AGAP1: variants seen among roughly 807,000 people sequenced by gnomAD.
AGAP1 encodes the protein arf-GAP with GTPase, ANK repeat and PH domain-containing protein 1.
Under a neutral mutation model 105.3 loss-of-function variants are expected in AGAP1, and 29 were observed. The observed-to-expected ratio is 0.28, with a 90% CI of 0.21 to 0.38. The LOEUF (loss-of-function observed/expected upper bound fraction) is 0.38, where lower values mean the gene tolerates loss of function less well. Among genes scored for constraint, AGAP1 ranks in the 10% least tolerant of loss-of-function variants. The pLI is 1.00. For missense variants in AGAP1, 998 were observed against 1,165.1 expected (o/e 0.86, Z 2.09); for synonymous variants, 509 against 485.9 (o/e 1.05, Z -0.63).
Position 235,908,634 on chromosome 2 carries a change from T to G in AGAP1, c.1156-104T>G. ...TAAAGTACTTTCCACAGTGGAAGGG[T>G]CATAGGGTTTTAACTCATGACGTCT... On this transcript the variant is annotated intron_variant, in intron 10 of 17. Coordinates refer to ENST00000304032, the MANE Select transcript of AGAP1 (RefSeq NM_001037131.3). This position sits in a 1 kb window ranked among gnomAD's most constrained non-coding sequence, Gnocchi z 4.4. The G allele has an allele frequency of 9.5e-7, 1 of 1,048,788 alleles. No individual in the cohort carries two copies. Among genetic ancestry groups the G allele is most frequent in the Admixed American group, 2.6e-5 (1 of 37,810 alleles). The allele number at this position is 1,048,788 out of a possible 1,614,324, so 65.0% of individuals were successfully genotyped here. A position where few individuals can be genotyped will look rare whatever the true frequency, so the allele number is the denominator to read the frequency against.
Position 236,080,296 on chromosome 2 carries a change from G to T in AGAP1, c.2114+31015G>T, listed in dbSNP as rs995761470. Among the ~76,000 whole-genome samples, 1 of 152,216 alleles carries T rather than the reference G, an allele frequency of 6.6e-6. No individual in the cohort carries two copies. The highest frequency in any genetic ancestry group is 2.4e-5 in the African/African-American group (1 of 41,454). The stretch of plus-strand genomic sequence containing the variant: ...AAAGGAGAGAGAAGAATTGTTACCC[G>T]GCAAAGATCAGACTGCCTCCTCCAC... On this transcript the variant is annotated intron_variant, in intron 16 of 17. Coordinates refer to ENST00000304032, the MANE Select transcript of AGAP1 (RefSeq NM_001037131.3). This position sits in a 1 kb window ranked among gnomAD's most constrained non-coding sequence, Gnocchi z 4.2.
chr2:235,637,679 A>G (rs1319504247), intron 1 of AGAP1, among the ~76,000 whole-genome samples: 1 of 152,142 alleles, frequency 6.6e-6, no homozygotes, highest in African/African-American at 2.4e-5. Flanking sequence ...AGTATTGTGT[A>G]TGGAAGAAAG....
At position 235,705,242 on chromosome 2, in the gene AGAP1, G is replaced by A. The variant is rs1022874652; in HGVS notation, c.164-3937G>A. On this transcript the variant is annotated intron_variant, in intron 1 of 17. Transcript: ENST00000304032. The surrounding 1 kb of genome is among the most constrained non-coding windows in gnomAD (Gnocchi z 4.9). ...GATCTGCGCGCCTCGGCCTCCTAAA[G>A]TGTTGGGATTACAGGCGTGAGCCAC... is the stretch of plus-strand genomic sequence containing the variant. Among the ~76,000 whole-genome samples the A allele has an allele frequency of 2.6e-5, 4 of 151,952 alleles. No homozygotes were observed. Among genetic ancestry groups the A allele is most frequent in the African/African-American group, 9.7e-5 (4 of 41,378 alleles).
Position 236,120,460 on chromosome 2 carries a change from C to T in AGAP1, c.2370+13C>T, listed in dbSNP as rs2278884. ...GCTCCTGATCTGGGTAGGTGGTCGG[C>T]ACGCCTGGCAGAGGACGGGGCCACA... On this transcript the variant is annotated intron_variant, in intron 17 of 17. Transcript: ENST00000304032. This position sits in a 1 kb window ranked among gnomAD's most constrained non-coding sequence, Gnocchi z 6.0. The T allele has an allele frequency of 0.3, 490,063 of 1,610,732 alleles. 76,856 individuals are homozygous for T. The highest frequency in any genetic ancestry group is 0.39 in the South Asian group (35,461 of 90,958).
In AGAP1 at chr2:236,109,164, G is replaced by A. The variant is rs1180385476; in HGVS notation, c.2115-11028G>A. Reference sequence around the variant, plus strand: ...CCCGCGCTCTCCAGGTGTCCCCAGAGGTCTTGGTCTATGCTTTGCTCATCA... The same window carrying A: ...CCCGCGCTCTCCAGGTGTCCCCAGAAGTCTTGGTCTATGCTTTGCTCATCA... On this transcript the variant is annotated intron_variant, in intron 16 of 17. Coordinates refer to ENST00000304032, the MANE Select transcript of AGAP1 (RefSeq NM_001037131.3). This position sits in a 1 kb window ranked among gnomAD's most constrained non-coding sequence, Gnocchi z 5.4. Among the ~76,000 whole-genome samples the A allele has an allele frequency of 6.6e-6, 1 of 152,158 alleles. No individual in the cohort carries two copies. The highest frequency in any genetic ancestry group is 1.9e-4 in the East Asian group (1 of 5,190).
chr2:235,581,744 G>GC (rs1944940988), intron 1 of AGAP1, among the ~76,000 whole-genome samples: 1 of 152,110 alleles, frequency 6.6e-6, no homozygotes, highest in South Asian at 2.1e-4. Flanking sequence ...AGTGGAGGTT[G>GC]CAGTGAGCCG....
intron 13 of AGAP1, among the ~76,000 whole-genome samples, chr2:236,017,856 TAACTC>T (rs2056758991): frequency 6.6e-6 from 1 of 152,200 alleles, no homozygotes; most frequent in African/African-American, 2.4e-5. Context: ...GGGATTCTGA[TAACTC>T]AAGTGATTTT....
chr2:235,509,493 A>G (rs1404313175), intron 1 of AGAP1, among the ~76,000 whole-genome samples: 2 of 151,918 alleles, frequency 1.3e-5, no homozygotes, highest in Non-Finnish European at 2.9e-5. Flanking sequence ...TCAGCCTCCC[A>G]AAATGTTGGG....
Position 236,014,635 on chromosome 2 carries a change from G to T in AGAP1, c.1646-21926G>T, listed in dbSNP as rs918995293. ...TTCCTCTGTTCACCGCAGGGGAGTTGGAGGGCTCAGCCCAGGGAGCTCCAT... is the reference window on the plus strand; with the variant it reads ...TTCCTCTGTTCACCGCAGGGGAGTTTGAGGGCTCAGCCCAGGGAGCTCCAT... On this transcript the variant is annotated intron_variant, in intron 13 of 17. Transcript: ENST00000304032. The surrounding 1 kb of genome is among the most constrained non-coding windows in gnomAD (Gnocchi z 6.3). 6.6e-6 allele frequency among the ~76,000 whole-genome samples: 1 copy of T among 152,182 alleles called. No homozygotes were observed. Among genetic ancestry groups the T allele is most frequent in the Non-Finnish European group, 1.5e-5 (1 of 68,036 alleles).
chr2:236,040,089 CCACAGAGCGAGA>C lies in AGAP1; in HGVS notation c.1801-658_1801-647del, dbSNP rs1246754062. On this transcript the variant is annotated intron_variant, in intron 14 of 17. Coordinates refer to ENST00000304032, the MANE Select transcript of AGAP1 (RefSeq NM_001037131.3). This position sits in a 1 kb window ranked among gnomAD's most constrained non-coding sequence, Gnocchi z 5.6. ...TCACACCACTGCACCCCAGCCTCAG[CCACAGAGCGAGA>C]CACTGGCTCAAAAAATAATAATAAT... Among the ~76,000 whole-genome samples, 1 of 151,910 alleles carries C rather than the reference CCACAGAGCGAGA, an allele frequency of 6.6e-6. No individual in the cohort carries two copies. The highest frequency in any genetic ancestry group is 1.5e-5 in the Non-Finnish European group (1 of 68,006).
intron 11 of AGAP1, among the ~76,000 whole-genome samples, chr2:235,913,733 C>T (rs918097697): frequency 6.6e-6 from 1 of 152,146 alleles, no homozygotes; most frequent in African/African-American, 2.4e-5. Context: ...CCTTCTCCTC[C>T]TTGATAAAAA....
At chr2:235,918,618 G>A (rs7582013) in intron 11 of AGAP1, among the ~76,000 whole-genome samples, 40 of 152,252 alleles carry the variant, frequency 2.6e-4, no homozygotes, top group African/African-American at 9.6e-4. Context: ...ACTCTTTGAG[G>A]CATACACTGT....
In AGAP1 at chr2:235,733,027, C is replaced by T. The variant is rs533405550; in HGVS notation, c.311-7936C>T. Among the ~76,000 whole-genome samples, 5 of 152,298 alleles carry T rather than the reference C, an allele frequency of 3.3e-5. No individual in the cohort carries two copies. In the East Asian group the frequency reaches 5.8e-4, roughly 18 times the overall value. ...TACTGAGCATCCATGCTCTGCCATC[C>T]GTCTAGTTGGAGGGAGCTGCCTCCC... On this transcript the variant is annotated intron_variant, in intron 3 of 17. Transcript: ENST00000304032. The surrounding 1 kb of genome is among the most constrained non-coding windows in gnomAD (Gnocchi z 5.0).
intron 13 of AGAP1, among the ~76,000 whole-genome samples, chr2:235,975,403 A>AT (rs2054819334): frequency 6.6e-6 from 1 of 152,192 alleles, no homozygotes; most frequent in Non-Finnish European, 1.5e-5. Context: ...GTTAATCTGT[A>AT]ACCATCCGGT....
At chr2:235,532,026 A>G (rs1342858816) in intron 1 of AGAP1, among the ~76,000 whole-genome samples, 1 of 152,222 alleles carries the variant, frequency 6.6e-6, no homozygotes, top group Non-Finnish European at 1.5e-5. Context: ...AAAGGAAAAT[A>G]CAGGAGAAAA....
intron 8 of AGAP1, 131 bp from the exon 9 acceptor site, chr2:235,807,108 G>T: frequency 1.3e-6 from 1 of 789,500 alleles, no homozygotes; most frequent in South Asian, 1.7e-5. Flanking sequence ...CTCGTCGGAC[G>T]TGTCTGTGCG....
chr2:236,077,826 C>T (rs2058680517), intron 16 of AGAP1, among the ~76,000 whole-genome samples: 1 of 152,196 alleles, frequency 6.6e-6, no homozygotes, highest in African/African-American at 2.4e-5. Context: ...CAAATGAGGT[C>T]AAAGGCTGTG....
At chr2:236,098,615 TTTTCC>T (rs1210930652) in intron 16 of AGAP1, among the ~76,000 whole-genome samples, 1 of 89,142 alleles carries the variant, frequency 1.1e-5, no homozygotes, top group African/African-American at 4.4e-5. Context: ...TGAAATCTTT[TTTTCC>T]TTTTTTTTTT....
In AGAP1 at chr2:236,123,279, C is replaced by T. The variant is rs2059943417; in HGVS notation, c.2371-640C>T. 6.6e-6 allele frequency among the ~76,000 whole-genome samples: 1 copy of T among 152,144 alleles called. No homozygotes were observed. The highest frequency in any genetic ancestry group is 2.4e-5 in the African/African-American group (1 of 41,422). ...GTTTTTTTCTAGAGACAGGGTCTCC[C>T]AGTATTGCTCAGGCTAGTCTTGAAC... On this transcript the variant is annotated intron_variant, in intron 17 of 17. Transcript: ENST00000304032. The surrounding 1 kb of genome is among the most constrained non-coding windows in gnomAD (Gnocchi z 4.6).
Sources: allele counts gnomAD v4.1 joint callset (sites outside exome capture counted in the v4.1 genomes callset), GRCh38; gene constraint gnomAD v4.1.1; non-coding constraint Gnocchi (gnomAD v3.1); transcripts MANE v1.5; gene names NCBI Gene and HGNC (gene_info 2026-07-23, HGNC 2026-07-21).